SOS2: variants seen among roughly 807,000 people sequenced by gnomAD.
SOS2 encodes SOS Ras/Rho guanine nucleotide exchange factor 2.
In SOS2, 65 loss-of-function variants were observed where a neutral mutation model predicts 148.2. The ratio of observed to expected loss-of-function variants is 0.44; its 90% confidence interval spans 0.36 to 0.54. SOS2 has a LOEUF of 0.54. SOS2 is among the 20% of genes least tolerant of loss of function. The pLI, the probability that SOS2 is intolerant of heterozygous loss-of-function variation, is 0.00. For missense variants in SOS2, 1,341 were observed against 1,590.2 expected (o/e 0.84, Z 2.67); for synonymous variants, 539 against 537.1 (o/e 1.00, Z -0.05).
At chr14:50,186,401 T>A (rs1885913038) in intron 5 of SOS2, among the ~76,000 whole-genome samples, 1 of 152,162 alleles carries the variant, frequency 6.6e-6, no homozygotes, top group African/African-American at 2.4e-5. Flanking sequence ...GTTTTTATTC[T>A]TCATACCACT....
chr14:50,123,611 G>C (rs914259233), intron 21 of SOS2, among the ~76,000 whole-genome samples: 3 of 151,918 alleles, frequency 2.0e-5, no homozygotes, highest in African/African-American at 7.3e-5. Flanking sequence ...TCCAACTCCT[G>C]ACCTCAGGTG....
chr14:50,158,838 G>C (rs913060895), intron 10 of SOS2, among the ~76,000 whole-genome samples, 192 bp from the exon 11 acceptor site: 40 of 152,074 alleles, frequency 2.6e-4, no homozygotes, highest in Non-Finnish European at 1.0e-4. Flanking sequence ...TACTGACATA[G>C]AGAATATACT....
At chr14:50,124,625 G>A (rs1883628841) in intron 21 of SOS2, among the ~76,000 whole-genome samples, 2 of 151,848 alleles carry the variant, frequency 1.3e-5, no homozygotes, top group African/African-American at 2.4e-5. Flanking sequence ...AGGCTTGCTC[G>A]TACTAAAACA....
chr14:50,215,296 A>G (rs1307898262), intron 1 of SOS2: 2 of 928,030 alleles, frequency 2.2e-6, no homozygotes, highest in African/African-American at 3.5e-5. Flanking sequence ...ATCAAGCATC[A>G]AAGTTTCTTA....
At chr14:50,191,560 C>G (rs1160095709) in intron 4 of SOS2, among the ~76,000 whole-genome samples, 3 of 152,154 alleles carry the variant, frequency 2.0e-5, no homozygotes, top group Non-Finnish European at 4.4e-5. Flanking sequence ...GGGGCCTCCT[C>G]TATGACTTAC....
At chr14:50,176,603 A>G (rs1885530694) in intron 7 of SOS2, among the ~76,000 whole-genome samples, 1 of 152,262 alleles carries the variant, frequency 6.6e-6, no homozygotes, top group African/African-American at 2.4e-5. Flanking sequence ...CTTTATATAT[A>G]CATTACCATT....
In SOS2 at chr14:50,150,031, T is replaced by C. The variant is rs1171015420; in HGVS notation, c.2361A>G (p.Thr787=). The change falls in exon 14 of 23, where the codon ACA becomes ACG. Residue 787 remains threonine (T), a synonymous_variant. Transcript: ENST00000216373. ...ACCTGTAAAGATCAGACTCCAAAAG[T>C]GTCAGCTGACGTGCAATTTCTATTG... ...LHPIEIARQL[T]LLESDLYRKV... 1.9e-6 allele frequency: 3 copies of C among 1,611,706 alleles called. No individual in the cohort carries two copies. The highest frequency in any genetic ancestry group is 1.7e-5 in the Admixed American group (1 of 60,010).
chr14:50,121,553 CA>C (rs1883514553), intron 21 of SOS2, among the ~76,000 whole-genome samples: 2 of 116,976 alleles, frequency 1.7e-5, no homozygotes, highest in African/African-American at 7.2e-5. Flanking sequence ...CCTGTTGACT[CA>C]GGGGGAAATA....
chr14:50,178,438 T>C (rs1885597918), intron 7 of SOS2, among the ~76,000 whole-genome samples: 1 of 152,036 alleles, frequency 6.6e-6, no homozygotes, highest in Non-Finnish European at 1.5e-5. Flanking sequence ...ATCTCTTTTC[T>C]TTATAAATCA....
At chr14:50,215,689 A>G (rs1481443541) in intron 1 of SOS2, among the ~76,000 whole-genome samples, 1 of 152,178 alleles carries the variant, frequency 6.6e-6, no homozygotes, top group African/African-American at 2.4e-5. Flanking sequence ...ACTAACCTGC[A>G]CAATGTGCAC....
At position 50,118,529 on chromosome 14, in the gene SOS2, G is replaced by A. The variant is rs1005498417; in HGVS notation, c.3814C>T (p.Arg1272Cys). Residue 1272 changes from arginine (R) to cysteine (C), a missense_variant, in exon 23 of 23, where the codon CGT (arginine) becomes TGT (cysteine). Coordinates refer to ENST00000216373, the MANE Select transcript of SOS2 (RefSeq NM_006939.4). Reference protein sequence around the residue: ...PPSTPSPRVPRRCYVLSSSQN... With the variant: ...PPSTPSPRVPCRCYVLSSSQN... ...CTAGAACTGAGCACATAGCATCGAC[G>A]CGGTACCCTTGGAGAGGGTGTGCTA... 1.8e-5 allele frequency: 29 copies of A among 1,613,990 alleles called. No individual in the cohort carries two copies. Among genetic ancestry groups the A allele is most frequent in the South Asian group, 2.2e-5 (2 of 91,078 alleles).
At position 50,118,045 on chromosome 14, in the gene SOS2, AT is replaced by A. The variant is rs1475345291; in HGVS notation, c.*298del. On this transcript the variant is annotated 3_prime_UTR_variant, in exon 23 of 23. Coordinates refer to ENST00000216373, the MANE Select transcript of SOS2 (RefSeq NM_006939.4). Reference sequence around the variant, plus strand: ...AAAAGCACTATCCCTTTTCAGTGCAATCATGTCACTTTAAACCATATTTTTG... The same window carrying A: ...AAAAGCACTATCCCTTTTCAGTGCAACATGTCACTTTAAACCATATTTTTG... 3.7e-6 allele frequency: 1 copy of A among 271,896 alleles called. No homozygotes were observed. Among genetic ancestry groups the A allele is most frequent in the Non-Finnish European group, 6.9e-6 (1 of 144,592 alleles). The allele number at this position is 271,896 out of a possible 1,614,324, so 16.8% of individuals were successfully genotyped here. A position where few individuals can be genotyped will look rare whatever the true frequency, so the allele number is the denominator to read the frequency against.
intron 2 of SOS2, among the ~76,000 whole-genome samples, chr14:50,204,055 G>GT (rs1354320268): frequency 6.6e-6 from 1 of 151,282 alleles, no homozygotes; most frequent in Non-Finnish European, 1.5e-5. Context: ...AGGTTTCAAG[G>GT]TTTTTTCCCC....
chr14:50,159,810 T>C lies in SOS2; in HGVS notation c.1473A>G (p.Lys491=), dbSNP rs1259820028. The change falls in exon 10 of 23, where the codon AAA becomes AAG. Residue 491 remains lysine, a synonymous_variant. Transcript: ENST00000216373. ...AAATTTGTATTTTCCTCATGACAAATTTTTCTTTTAACCTGTATTCTGCAC... is the reference window on the plus strand; with the variant it reads ...AAATTTGTATTTTCCTCATGACAAACTTTTCTTTTAACCTGTATTCTGCAC... ...YSSAEYRLKE[K]FVMRKIQICD... The C allele has an allele frequency of 6.2e-7, 1 of 1,614,118 alleles. No individual in the cohort carries two copies. Among genetic ancestry groups the C allele is most frequent in the East Asian group, 2.2e-5 (1 of 44,872 alleles).
At chr14:50,216,940 T>G (rs749957435) in intron 1 of SOS2, among the ~76,000 whole-genome samples, 2 of 152,158 alleles carry the variant, frequency 1.3e-5, no homozygotes, top group Non-Finnish European at 2.9e-5. Flanking sequence ...AGCTTTTTTG[T>G]AGAAATTGAT....
At chr14:50,147,759 CTGAG>C (rs555046877) in intron 14 of SOS2, among the ~76,000 whole-genome samples, 164 of 152,052 alleles carry the variant, frequency 1.1e-3, no homozygotes, top group Non-Finnish European at 9.3e-4. Flanking sequence ...TTTTGAATGC[CTGAG>C]TATTTAATTA....
intron 8 of SOS2, among the ~76,000 whole-genome samples, chr14:50,165,133 C>T (rs1283228387): frequency 1.3e-5 from 2 of 152,122 alleles, no homozygotes; most frequent in Non-Finnish European, 2.9e-5. Context: ...TTTCTCATAG[C>T]TCATCTTACA....
intron 18 of SOS2, among the ~76,000 whole-genome samples, chr14:50,134,571 G>A (rs1042128347): frequency 1.3e-5 from 2 of 152,032 alleles, no homozygotes; most frequent in African/African-American, 4.8e-5. Flanking sequence ...TGTAACAAAT[G>A]ATCATCACTA....
chr14:50,126,818 G>A (rs1173826704), intron 21 of SOS2, among the ~76,000 whole-genome samples: 1 of 150,774 alleles, frequency 6.6e-6, no homozygotes, highest in Admixed American at 6.6e-5. Context: ...CATGCTGGGG[G>A]AAAAATTATT....
Sources: gnomAD v4.1 joint callset for allele counts (sites outside exome capture counted in the v4.1 genomes callset) on GRCh38, gnomAD v4.1.1 for gene constraint, MANE v1.5 for transcripts, NCBI Gene and HGNC (gene_info 2026-07-23, HGNC 2026-07-21) for gene names.